Variants in NAF1 observed in about 807,000 individuals in gnomAD.
NAF1 encodes the protein H/ACA ribonucleoprotein complex non-core subunit NAF1.
A neutral mutation model predicts 40.6 loss-of-function variants in NAF1; 11 were observed. That is an observed-to-expected ratio of 0.27 (90% CI 0.17 to 0.45). The LOEUF (loss-of-function observed/expected upper bound fraction) is 0.45, where lower values mean the gene tolerates loss of function less well. NAF1 is among the 20% of genes least tolerant of loss of function. The probability of loss-of-function intolerance (pLI) is 1.00; values close to 1 mark genes in which losing one functional copy is unlikely to be tolerated. For synonymous variants in NAF1, 260 were observed against 228.5 expected, an observed-to-expected ratio of 1.14 and a Z score of -1.24; for missense variants, 607 against 611.1, an observed-to-expected ratio of 0.99 and a Z score of 0.07.
intron 2 of NAF1, among the ~76,000 whole-genome samples, chr4:163,113,073 G>C (rs1243492043): frequency 2.0e-5 from 3 of 152,186 alleles, no homozygotes; most frequent in Admixed American, 2.0e-4. Flanking sequence ...TAGGAGGCCA[G>C]ATTATTTAGA....
rs373289396 is a variant in NAF1, at chr4:163,155,722, A to G, written c.541-7288T>C. On this transcript the variant is annotated intron_variant, in intron 2 of 7. Coordinates refer to ENST00000274054, the MANE Select transcript of NAF1 (RefSeq NM_138386.3). ...ATGAATAAATCTCCTCAGATATAAA[A>G]TCTCCTTTAAGGAAATAAAAATCAA... Among the ~76,000 whole-genome samples, 10 of 152,264 alleles carry G rather than the reference A, an allele frequency of 6.6e-5. No homozygotes were observed. In the East Asian group the frequency reaches 1.2e-3, roughly 18 times the overall value.
In NAF1 at chr4:163,151,790, A is replaced by G. The variant is rs565991455; in HGVS notation, c.541-3356T>C. Among the ~76,000 whole-genome samples the G allele has an allele frequency of 1.6e-3, 243 of 152,204 alleles. 2 individuals carry two copies. Among genetic ancestry groups the G allele is most frequent in the African/African-American group, 4.5e-3 (188 of 41,578 alleles). ...ATATTAGTGTTATCAGTATTGATTG[A>G]GATCACATTTAATTACAGTTGTCTT... is the stretch of plus-strand genomic sequence containing the variant. On this transcript the variant is annotated intron_variant, in intron 2 of 7. Transcript: ENST00000274054.
At chr4:163,128,011 G>A (rs1730719025), downstream of NAF1, among the ~76,000 whole-genome samples, 1 of 152,178 alleles carries the variant, frequency 6.6e-6, no homozygotes, top group Non-Finnish European at 1.5e-5. Flanking sequence ...TTTACTAAAT[G>A]AAAACTGGAG....
chr4:163,110,045 T>C (rs1730114251), downstream of NAF1: 1 of 441,492 alleles, frequency 2.3e-6, no homozygotes, highest in Non-Finnish European at 4.0e-6. Context: ...CTATTAAGTA[T>C]GCAGATATGG....
rs1325473912 is a variant in NAF1, at chr4:163,128,792, T to C, written c.*105A>G. 2 of 1,333,814 alleles carry C rather than the reference T, an allele frequency of 1.5e-6. No individual in the cohort carries two copies. Among genetic ancestry groups the C allele is most frequent in the African/African-American group, 1.5e-5 (1 of 68,218 alleles). 82.6% of individuals were successfully genotyped at this position (1,333,814 alleles called of 1,614,324 possible). A position where few individuals can be genotyped will look rare whatever the true frequency, so the allele number is the denominator to read the frequency against. On this transcript the variant is annotated 3_prime_UTR_variant, in exon 8 of 8. Coordinates refer to ENST00000274054, the MANE Select transcript of NAF1 (RefSeq NM_138386.3). ...TTACAACAGAAGGAATCATTTAGTATTTTACAGTGTTTTTAAAAATCTAGC... is the reference window on the plus strand; with the variant it reads ...TTACAACAGAAGGAATCATTTAGTACTTTACAGTGTTTTTAAAAATCTAGC...
At chr4:163,124,165 A>C (rs558655199), downstream of NAF1, among the ~76,000 whole-genome samples, 11 of 152,356 alleles carry the variant, frequency 7.2e-5, no homozygotes, top group East Asian at 2.1e-3. Flanking sequence ...AGGGCAGCTA[A>C]GACAACATAG....
At chr4:163,110,628 G>A (rs1040551882) in intron 2 of NAF1, among the ~76,000 whole-genome samples, 2 of 152,110 alleles carry the variant, frequency 1.3e-5, no homozygotes, top group African/African-American at 4.8e-5. Flanking sequence ...GGAAATCTAA[G>A]GTCAAGCAAA....
At chr4:163,153,176 A>G (rs1423496134) in intron 2 of NAF1, among the ~76,000 whole-genome samples, 1 of 151,496 alleles carries the variant, frequency 6.6e-6, no homozygotes, top group African/African-American at 2.4e-5. Context: ...GACGAATACC[A>G]CCCCCTGCTC....
chr4:163,166,259 C>T (rs1036566572), intron 1 of NAF1, 104 bp downstream of exon 1: 14 of 1,400,388 alleles, frequency 1.0e-5, no homozygotes, highest in Non-Finnish European at 1.2e-5. Context: ...ACCTGCCCAC[C>T]CTCCAGGGCC....
Position 163,148,413 on chromosome 4 carries a change from G to A in NAF1, c.562C>T (p.Leu188Phe). 3.2e-6 allele frequency: 5 copies of A among 1,583,672 alleles called. No homozygotes were observed. The highest frequency in any genetic ancestry group is 4.3e-6 in the Non-Finnish European group (5 of 1,169,958). Residue 188 changes from leucine (L) to phenylalanine (F), a missense_variant, in exon 3 of 8, where the codon CTC becomes TTC. Physicochemically the swap from Leu to Phe is conservative, Grantham distance 22 (BLOSUM62 0). Coordinates refer to ENST00000274054, the MANE Select transcript of NAF1 (RefSeq NM_138386.3). The part of the protein sequence containing the change: ...LLNELPSVEE[L>F]TIILPEDIEL... ...ATATCTTCAGGCAGAATAATAGTGA[G>A]TTCTTCAACAGAAGGCAGTTCCTAT...
At chr4:163,155,676 C>T (rs796570713) in intron 2 of NAF1, among the ~76,000 whole-genome samples, 5 of 152,300 alleles carry the variant, frequency 3.3e-5, no homozygotes, top group African/African-American at 1.2e-4. Context: ...TGAAAACACA[C>T]CTGCTGCCCC....
chr4:163,146,205 AG>A (rs1192732040), intron 3 of NAF1, among the ~76,000 whole-genome samples: 2 of 152,232 alleles, frequency 1.3e-5, no homozygotes, highest in Admixed American at 6.5e-5. Context: ...AATCACGTTT[AG>A]TTGTAAAACT....
intron 7 of NAF1, among the ~76,000 whole-genome samples, chr4:163,130,538 AG>A (rs1304713597): frequency 1.3e-5 from 2 of 152,258 alleles, no homozygotes; most frequent in Admixed American, 1.3e-4. Context: ...AAGTAATCAC[AG>A]CAGTGTGGTA....
intron 2 of NAF1, among the ~76,000 whole-genome samples, chr4:163,153,899 T>C (rs1306661111): frequency 6.6e-6 from 1 of 152,204 alleles, no homozygotes; most frequent in African/African-American, 2.4e-5. Context: ...TCCACACTGC[T>C]TTTATGAGCC....
chr4:163,158,424 A>G (rs952799438), intron 2 of NAF1: 7 of 152,206 alleles, frequency 4.6e-5, no homozygotes, highest in Admixed American at 2.6e-4. Context: ...TAACTTCTTC[A>G]GGGGAAGTAA....
At chr4:163,143,685 G>A (rs1464172805) in intron 4 of NAF1, among the ~76,000 whole-genome samples, 2 of 152,138 alleles carry the variant, frequency 1.3e-5, no homozygotes, top group Non-Finnish European at 2.9e-5. Flanking sequence ...GAACAATGCT[G>A]GCAGGCTGTG....
At chr4:163,154,557 T>C (rs1731889627) in intron 2 of NAF1, among the ~76,000 whole-genome samples, 1 of 152,160 alleles carries the variant, frequency 6.6e-6, no homozygotes, top group African/African-American at 2.4e-5. Flanking sequence ...ATCTATTTGT[T>C]TCTTTTAAAT....
chr4:163,133,102 A>C (rs1307892258), intron 7 of NAF1, 52 bp downstream of exon 7: 1 of 1,408,132 alleles, frequency 7.1e-7, no homozygotes, highest in Non-Finnish European at 1.0e-6. Flanking sequence ...TGATAAACTT[A>C]TATAGATGTA....
chr4:163,128,677 A>C lies in NAF1; in HGVS notation c.*220T>G. On this transcript the variant is annotated 3_prime_UTR_variant, in exon 8 of 8. Transcript: ENST00000274054. ...AAGGCATGAATTCAAAATTTTAATT[A>C]AATATTACATAATTTAATGTTCTCC... 2 of 1,066,316 alleles carry C rather than the reference A, an allele frequency of 1.9e-6. No homozygotes were observed. Among genetic ancestry groups the C allele is most frequent in the Non-Finnish European group, 2.3e-6 (2 of 855,586 alleles). 66.1% of individuals were successfully genotyped at this position (1,066,316 alleles called of 1,614,324 possible).
Sources: gnomAD v4.1 joint callset for allele counts (sites outside exome capture counted in the v4.1 genomes callset) on GRCh38, gnomAD v4.1.1 for gene constraint, MANE v1.5 for transcripts, NCBI Gene and HGNC (gene_info 2026-07-23, HGNC 2026-07-21) for gene names.